Variants in GIMD1 observed in about 807,000 individuals in gnomAD.
GIMD1 encodes GTPase IMAP family member GIMD1.
GIMD1 carries 14 observed loss-of-function variants against 14.9 expected under a neutral mutation model. The ratio of observed to expected loss-of-function variants is 0.94; its 90% CI spans 0.62 to 1.47. The LOEUF is 1.47. Among genes scored for constraint, GIMD1 ranks in the 40% most tolerant of loss-of-function variants. The pLI is 0.00. For missense variants in GIMD1, 272 were observed against 255.3 expected, an observed-to-expected ratio of 1.07 and a Z score of -0.44; for synonymous variants, 91 against 90.5, an observed-to-expected ratio of 1.01 and a Z score of -0.03.
intron 2 of GIMD1, among the ~76,000 whole-genome samples, chr4:106,364,127 G>A (rs908824404): frequency 3.3e-5 from 5 of 151,926 alleles, no homozygotes; most frequent in Admixed American, 3.3e-4. Context: ...ATTAATAAAG[G>A]CCTAACAAAA....
chr4:106,366,236 T>A (rs1561041781), intron 2 of GIMD1, among the ~76,000 whole-genome samples: 1 of 152,140 alleles, frequency 6.6e-6, no homozygotes. Flanking sequence ...CTGAATTGTT[T>A]CCCTATGAAT....
intron 1 of GIMD1, 67 bp downstream of exon 1, chr4:106,368,643 A>C: frequency 2.5e-6 from 1 of 397,438 alleles, no homozygotes; most frequent in Non-Finnish European, 4.4e-6. Context: ...TTTACTCCTA[A>C]ATCAGGGTGT....
At chr4:106,363,908 C>T (rs1300567189) in intron 2 of GIMD1, among the ~76,000 whole-genome samples, 1 of 146,252 alleles carries the variant, frequency 6.8e-6, no homozygotes, top group South Asian at 2.2e-4. Flanking sequence ...GGAAATGGAC[C>T]ATAGGCAATA....
At chr4:106,358,515 G>A (rs186097957) in intron 2 of GIMD1, 72 bp from the exon 3 acceptor site, 26 of 1,144,110 alleles carry the variant, frequency 2.3e-5, no homozygotes, top group African/African-American at 1.6e-4. Flanking sequence ...GATTTATTAC[G>A]GTCCAATATA....
intron 1 of GIMD1, among the ~76,000 whole-genome samples, chr4:106,367,872 G>C (rs991569736): frequency 6.6e-6 from 1 of 152,148 alleles, no homozygotes; most frequent in Non-Finnish European, 1.5e-5. Context: ...GAATAGAACA[G>C]TAGAAGAAAC....
At position 106,357,726 on chromosome 4, in the gene GIMD1, T is replaced by C. The variant is rs1382015339; in HGVS notation, c.*457A>G. 6.5e-6 allele frequency: 1 copy of C among 153,832 alleles called. No individual in the cohort carries two copies. Among genetic ancestry groups the C allele is most frequent in the African/African-American group, 2.4e-5 (1 of 41,448 alleles). The allele number at this position is 153,832 out of a possible 1,614,324, so 9.5% of individuals were successfully genotyped here. ...TATGTACTCTTTTATGTCTGGCTTA[T>C]TTTTCAACATTATGTTTGGGCAATT... On this transcript the variant is annotated 3_prime_UTR_variant, in exon 3 of 3. Transcript: ENST00000638719.
intron 2 of GIMD1, among the ~76,000 whole-genome samples, chr4:106,360,299 T>C (rs1329665794): frequency 1.3e-5 from 2 of 152,064 alleles, no homozygotes; most frequent in African/African-American, 4.8e-5. Context: ...CATATTTCTA[T>C]TCCTTCTAAA....
chr4:106,367,057 C>G lies in GIMD1; in HGVS notation c.379G>C (p.Val127Leu), dbSNP rs1358321250. ...PFCGQEVTDP[V>L]QMIQELLGHA... ...CTTAGTATTACCTGGATCATCTGGACTGGGTCAGTTACTTCCTGCCCACAG... is the reference window on the plus strand; with the variant it reads ...CTTAGTATTACCTGGATCATCTGGAGTGGGTCAGTTACTTCCTGCCCACAG... Residue 127 changes from valine to leucine, a missense_variant, in exon 2 of 3, where the codon GTC becomes CTC. Val to Leu is a conservative substitution (Grantham distance 32). Coordinates refer to ENST00000638719, the MANE Select transcript of GIMD1 (RefSeq NM_001195138.2). The G allele has an allele frequency of 5.9e-6, 9 of 1,526,098 alleles. No homozygotes were observed. The highest frequency in any genetic ancestry group is 1.4e-5 in the African/African-American group (1 of 72,736). The allele number at this position is 1,526,098 out of a possible 1,614,324, so 94.5% of individuals were successfully genotyped here.
chr4:106,362,729 A>T (rs1561040529), intron 2 of GIMD1, among the ~76,000 whole-genome samples: 1 of 152,032 alleles, frequency 6.6e-6, no homozygotes, highest in African/African-American at 2.4e-5. Flanking sequence ...AATGAGGACC[A>T]TTTTTTTATA....
At chr4:106,366,192 T>C (rs1402482891) in intron 2 of GIMD1, among the ~76,000 whole-genome samples, 1 of 152,166 alleles carries the variant, frequency 6.6e-6, no homozygotes, top group East Asian at 1.9e-4. Flanking sequence ...TCACTTATGC[T>C]ACAACTGATA....
In GIMD1 at chr4:106,368,710, C is replaced by A. The variant is rs1391777476; in HGVS notation, c.-3G>T. The A allele has an allele frequency of 7.5e-6, 3 of 398,284 alleles. No individual in the cohort carries two copies. The highest frequency in any genetic ancestry group is 6.2e-5 in the African/African-American group (3 of 48,618). 24.7% of individuals were successfully genotyped at this position (398,284 alleles called of 1,614,324 possible). A position where few individuals can be genotyped will look rare whatever the true frequency, so the allele number is the denominator to read the frequency against. ...AATCCATTTGCTATATTTCGCTTACCTTTTCCAGTCTTGAAAATGCTTTCT... is the reference window on the plus strand; with the variant it reads ...AATCCATTTGCTATATTTCGCTTACATTTTCCAGTCTTGAAAATGCTTTCT... On this transcript the variant is annotated splice_region_variant and 5_prime_UTR_variant, in exon 1 of 3. Transcript: ENST00000638719.
intron 2 of GIMD1, among the ~76,000 whole-genome samples, chr4:106,359,258 A>G (rs1384854415): frequency 1.6e-4 from 24 of 151,958 alleles, no homozygotes; most frequent in Admixed American, 1.6e-3. Flanking sequence ...CTAAAGTTAC[A>G]TGAAATCACA....
chr4:106,358,985 T>C (rs151283748), intron 2 of GIMD1, among the ~76,000 whole-genome samples: 2 of 152,094 alleles, frequency 1.3e-5, no homozygotes, highest in Admixed American at 1.3e-4. Flanking sequence ...AACCACAAAA[T>C]ATTATAACTG....
intron 2 of GIMD1, among the ~76,000 whole-genome samples, chr4:106,360,161 T>C (rs1385878402): frequency 1.3e-5 from 2 of 152,008 alleles, no homozygotes; most frequent in Admixed American, 1.3e-4. Flanking sequence ...TTTTGCAGTT[T>C]ATCATCATGA....
rs1041575440 is a variant in GIMD1 at position 106,357,683 on chromosome 4, G to A, written c.*500C>T. The A allele has an allele frequency of 6.6e-6, 1 of 152,258 alleles. No individual in the cohort carries two copies. Among genetic ancestry groups the A allele is most frequent in the African/African-American group, 2.4e-5 (1 of 41,406 alleles). The allele number at this position is 152,258 out of a possible 1,614,324, so 9.4% of individuals were successfully genotyped here. A position where few individuals can be genotyped will look rare whatever the true frequency, so the allele number is the denominator to read the frequency against. On this transcript the variant is annotated 3_prime_UTR_variant, in exon 3 of 3. Transcript: ENST00000638719. The stretch of plus-strand genomic sequence containing the variant: ...TTGTTTTACTGTTTTTGAACTTTCT[G>A]CACATGGAATCATGGAGTATGTACT...
intron 2 of GIMD1, among the ~76,000 whole-genome samples, chr4:106,358,727 A>G (rs987834470): frequency 6.6e-6 from 1 of 151,936 alleles, no homozygotes; most frequent in Non-Finnish European, 1.5e-5. Flanking sequence ...GCATATTATC[A>G]TTGCTGCATA....
chr4:106,364,134 A>G (rs1177995661), intron 2 of GIMD1, among the ~76,000 whole-genome samples: 1 of 152,164 alleles, frequency 6.6e-6, no homozygotes, highest in Non-Finnish European at 1.5e-5. Flanking sequence ...AAGGCCTAAC[A>G]AAAAGAAAAA....
In GIMD1 at chr4:106,358,310, G is replaced by A. The variant is rs1770562751; in HGVS notation, c.527C>T (p.Ser176Phe). ...ASDTLKTLLN[S>F]IQHKYVFQYK... Reference sequence around the variant, plus strand: ...CTGGAAAACGTATTTGTGCTGAATAGAATTTAGCAGCGTTTTCAGGGTATC... The same window carrying A: ...CTGGAAAACGTATTTGTGCTGAATAAAATTTAGCAGCGTTTTCAGGGTATC... Residue 176 changes from serine (S) to phenylalanine (F), a missense_variant, in exon 3 of 3, where the codon TCT becomes TTT. Physicochemically the swap from Ser to Phe is radical, Grantham distance 155. Transcript: ENST00000638719. The A allele has an allele frequency of 2.0e-6, 3 of 1,533,776 alleles. No individual in the cohort carries two copies. The highest frequency in any genetic ancestry group is 2.6e-6 in the Non-Finnish European group (3 of 1,145,414).
intron 2 of GIMD1, among the ~76,000 whole-genome samples, chr4:106,361,974 T>C (rs1013871409): frequency 6.6e-6 from 1 of 152,106 alleles, no homozygotes; most frequent in Non-Finnish European, 1.5e-5. Flanking sequence ...TTTGTTCCTG[T>C]TTTTCTGTAT....
Sources: allele counts gnomAD v4.1 joint callset (sites outside exome capture counted in the v4.1 genomes callset), GRCh38; gene constraint gnomAD v4.1.1; transcripts MANE v1.5; gene names NCBI Gene and HGNC (gene_info 2026-07-23, HGNC 2026-07-21).